The following HHAT variants were observed in gnomAD, a reference collection of about 807,000 sequenced individuals.
HHAT encodes hedgehog acyltransferase.
Under a neutral mutation model 70.8 loss-of-function variants are expected in HHAT, and 47 were observed. That is an observed-to-expected ratio of 0.66 (90% CI 0.53 to 0.85). The LOEUF is 0.85. Among genes scored for constraint, HHAT ranks in the 40% least tolerant of loss-of-function variants. HHAT has a pLI of 0.00. For synonymous variants in HHAT, 228 were observed against 247.6 expected (o/e 0.92, Z 0.74); for missense variants, 609 against 604.8 (o/e 1.01, Z -0.07).
At chr1:210,350,395 T>C (rs557201862) in intron 2 of HHAT, among the ~76,000 whole-genome samples, 1 of 152,348 alleles carries the variant, frequency 6.6e-6, no homozygotes, top group South Asian at 2.1e-4. Context: ...TATTGAGTCT[T>C]CCTATCCATG....
At chr1:210,399,513 C>T (rs1307405729) in intron 4 of HHAT, among the ~76,000 whole-genome samples, 1 of 152,124 alleles carries the variant, frequency 6.6e-6, no homozygotes, top group Non-Finnish European at 1.5e-5. Flanking sequence ...CTCGGCCTCC[C>T]AAAGTGCTGG....
intron 10 of HHAT, chr1:210,590,147 A>C (rs6682840): frequency 0.96 from 146,792 of 152,260 alleles, 70,981 homozygotes; most frequent in South Asian, 1. Flanking sequence ...CAGGTTGATT[A>C]TTTAGTTCTT....
At chr1:210,566,973 G>A (rs1333894483) in intron 9 of HHAT, among the ~76,000 whole-genome samples, 1 of 152,230 alleles carries the variant, frequency 6.6e-6, no homozygotes, top group Non-Finnish European at 1.5e-5. Flanking sequence ...TGGGCTTTGG[G>A]AGTCGCAGCC....
chr1:210,531,566 C>G (rs2095314963), intron 9 of HHAT, among the ~76,000 whole-genome samples: 1 of 152,176 alleles, frequency 6.6e-6, no homozygotes, highest in Non-Finnish European at 1.5e-5. Context: ...CTACTGCATA[C>G]TAAGTCTGAG....
intron 7 of HHAT, among the ~76,000 whole-genome samples, chr1:210,438,001 A>G (rs1361338161): frequency 2.0e-5 from 3 of 151,788 alleles, no homozygotes; most frequent in South Asian, 2.1e-4. Flanking sequence ...AGCAGATTCC[A>G]TCATATCTTG....
intron 11 of HHAT, among the ~76,000 whole-genome samples, chr1:210,670,227 A>G (rs981356269): frequency 3.3e-5 from 5 of 152,160 alleles, no homozygotes; most frequent in South Asian, 2.1e-4. Context: ...CTCTGCCCCA[A>G]GCCTACCCCT....
At chr1:210,329,346 C>T in intron 1 of HHAT, 4 of 1,201,662 alleles carry the variant, frequency 3.3e-6, no homozygotes, top group Non-Finnish European at 4.1e-6. Flanking sequence ...GACAAGTCCG[C>T]GCACGGCCCT....
intron 3 of HHAT, among the ~76,000 whole-genome samples, chr1:210,375,652 A>C (rs140705460): frequency 1.6e-4 from 24 of 151,924 alleles, no homozygotes; most frequent in Admixed American, 1.0e-3. Flanking sequence ...CTTTTTGCCA[A>C]ATTTGGAGAT....
intron 7 of HHAT, among the ~76,000 whole-genome samples, chr1:210,441,839 TAC>T (rs202140291): frequency 9.9e-5 from 15 of 151,258 alleles, no homozygotes; most frequent in East Asian, 3.9e-4. Flanking sequence ...CACACATATA[TAC>T]ACACACACAC....
In HHAT at chr1:210,616,705, T is replaced by C. The variant is rs568127736; in HGVS notation, c.1246-6821T>C. On this transcript the variant is annotated intron_variant, in intron 10 of 11. Transcript: ENST00000261458. ...ACAAATATGAAGTTGTGTAATGTAG[T>C]AGGAGCATGAAGATATTCAATTAGA... Among the ~76,000 whole-genome samples the C allele has an allele frequency of 3.3e-5, 5 of 151,524 alleles. No homozygotes were observed. In the East Asian group the frequency reaches 5.8e-4, roughly 18 times the overall value.
At chr1:210,537,433 T>G (rs748946272) in intron 9 of HHAT, among the ~76,000 whole-genome samples, 2 of 152,204 alleles carry the variant, frequency 1.3e-5, no homozygotes, top group Non-Finnish European at 2.9e-5. Flanking sequence ...TCTCACTTCA[T>G]AGACACCCCC....
intron 8 of HHAT, among the ~76,000 whole-genome samples, chr1:210,470,625 C>T (rs2094187622): frequency 6.6e-6 from 1 of 152,178 alleles, no homozygotes; most frequent in Non-Finnish European, 1.5e-5. Context: ...GTCCTCTTCT[C>T]CATTTTCTCC....
At chr1:210,656,639 C>T (rs1483232761) in intron 11 of HHAT, among the ~76,000 whole-genome samples, 1 of 152,210 alleles carries the variant, frequency 6.6e-6, no homozygotes, top group African/African-American at 2.4e-5. Flanking sequence ...CCTTGGTCGC[C>T]AGGGTTTCCA....
chr1:210,535,870 G>A (rs1240231185), intron 9 of HHAT, among the ~76,000 whole-genome samples: 9 of 152,206 alleles, frequency 5.9e-5, no homozygotes, highest in African/African-American at 2.2e-4. Context: ...GCTAAAAGCT[G>A]TGTAACCAAT....
At chr1:210,502,292 G>C (rs1039153421) in intron 8 of HHAT, among the ~76,000 whole-genome samples, 2 of 147,534 alleles carry the variant, frequency 1.4e-5, no homozygotes, top group Non-Finnish European at 3.0e-5. Context: ...GCTGAGGCAG[G>C]AGAATGGCAT....
intron 11 of HHAT, among the ~76,000 whole-genome samples, chr1:210,654,080 G>A (rs1319367514): frequency 1.5e-4 from 1 of 6,524 alleles, no homozygotes; most frequent in Non-Finnish European, 3.6e-4. Flanking sequence ...TAGTGTGACG[G>A]GAGTAGTGTG....
At chr1:210,530,478 C>G (rs1050881791) in intron 9 of HHAT, among the ~76,000 whole-genome samples, 1 of 152,102 alleles carries the variant, frequency 6.6e-6, no homozygotes, top group Non-Finnish European at 1.5e-5. Flanking sequence ...ATTCAAATAC[C>G]CTTTCCTGAA....
At chr1:210,589,351 T>C (rs1197421330) in intron 10 of HHAT, 1 of 152,176 alleles carries the variant, frequency 6.6e-6, no homozygotes, top group South Asian at 2.1e-4. Flanking sequence ...TAAAGATAAA[T>C]ATTTTTCCAG....
At chr1:210,374,281 A>C (rs766075770) in intron 3 of HHAT, 11 of 152,330 alleles carry the variant, frequency 7.2e-5, no homozygotes, top group Admixed American at 2.0e-4. Flanking sequence ...GCTACAAATT[A>C]GTTCAACTCA....
Sources: gnomAD v4.1 joint callset for allele counts (sites outside exome capture counted in the v4.1 genomes callset) on GRCh38, gnomAD v4.1.1 for gene constraint, MANE v1.5 for transcripts, NCBI Gene and HGNC (gene_info 2026-07-23, HGNC 2026-07-21) for gene names.